Variants in GALNT2 observed in about 807,000 individuals in gnomAD.
GALNT2 encodes the protein polypeptide N-acetylgalactosaminyltransferase 2, also known as UDP-GalNAc:polypeptide N-acetylgalactosaminyltransferase 2.
A neutral mutation model predicts 81.4 loss-of-function variants in GALNT2; 31 were observed. That is an observed-to-expected ratio of 0.38 (90% confidence interval 0.29 to 0.51). GALNT2 has a LOEUF of 0.51. Ranked by LOEUF, GALNT2 falls within the 20% of genes least tolerant of loss-of-function variation. GALNT2 has a pLI of 0.87. For missense variants in GALNT2, 629 were observed against 765.7 expected (o/e 0.82, Z 2.11); for synonymous variants, 303 against 287.4 (o/e 1.05, Z -0.55).
rs1481139975 is a variant in GALNT2, at chr1:230,193,011, A to T, written c.221-10126A>T. On this transcript the variant is annotated intron_variant, in intron 2 of 15. Coordinates refer to ENST00000366672, the MANE Select transcript of GALNT2 (RefSeq NM_004481.5). This position sits in a 1 kb window ranked among gnomAD's most constrained non-coding sequence, Gnocchi z 4.3. The stretch of plus-strand genomic sequence containing the variant: ...TAGCATTATGACCTTCTAGAGGAAG[A>T]ATATTAGGATTTTTTTTCTTTTAAG... 1.3e-5 allele frequency among the ~76,000 whole-genome samples: 2 copies of T among 152,194 alleles called. No homozygotes were observed. The highest frequency in any genetic ancestry group is 2.9e-5 in the Non-Finnish European group (2 of 68,036).
intron 1 of GALNT2, among the ~76,000 whole-genome samples, chr1:230,126,837 A>T (rs1307019058): frequency 6.6e-6 from 1 of 152,178 alleles, no homozygotes; most frequent in African/African-American, 2.4e-5. Context: ...CCAAGGAGTG[A>T]CTGCACCCAG....
rs1572169602 is a variant in GALNT2, at chr1:230,279,187, A to G, written c.1561-116A>G. 6 of 1,151,366 alleles carry G rather than the reference A, an allele frequency of 5.2e-6. No individual in the cohort carries two copies. 71.3% of individuals were successfully genotyped at this position (1,151,366 alleles called of 1,614,324 possible). On this transcript the variant is annotated intron_variant, in intron 15 of 15. Transcript: ENST00000366672. The surrounding 1 kb of genome is among the most constrained non-coding windows in gnomAD (Gnocchi z 4.6). The stretch of plus-strand genomic sequence containing the variant: ...TCGGCCGTTCAGATGAGAGGCTGGG[A>G]AAAACGTGTCTATCTGTGAGTTTTT...
chr1:230,067,425 C>T lies in GALNT2; in HGVS notation c.126+19C>T, dbSNP rs1228313781. On this transcript the variant is annotated intron_variant, in intron 1 of 15. Transcript: ENST00000366672. ...CAGGAAGGTGAGTGGAGCGCCCTGC[C>T]GCGGCCGGGCCCCTGCGCCCACCCC... 51 of 1,091,588 alleles carry T rather than the reference C, an allele frequency of 4.7e-5. No homozygotes were observed. In the African/African-American group the frequency reaches 4.8e-4, roughly 10 times the overall value. 67.6% of individuals were successfully genotyped at this position (1,091,588 alleles called of 1,614,324 possible).
chr1:230,135,006 G>T (rs1661491196), intron 1 of GALNT2, among the ~76,000 whole-genome samples: 1 of 152,232 alleles, frequency 6.6e-6, no homozygotes, highest in South Asian at 2.1e-4. Flanking sequence ...GTATCTGAGA[G>T]TGTTTCAAAT....
chr1:230,245,551 A>T (rs1422557150), intron 7 of GALNT2, among the ~76,000 whole-genome samples: 2 of 152,218 alleles, frequency 1.3e-5, no homozygotes, highest in Non-Finnish European at 2.9e-5. Flanking sequence ...TGATTTGGTT[A>T]ACCTTCTGCT....
At chr1:230,264,623 T>C (rs1309302227) in intron 13 of GALNT2, 4 of 152,324 alleles carry the variant, frequency 2.6e-5, no homozygotes, top group African/African-American at 9.6e-5. Flanking sequence ...CCGTGTGCTT[T>C]ACACGAAATG....
intron 3 of GALNT2, among the ~76,000 whole-genome samples, chr1:230,204,949 T>C (rs773965269): frequency 9.9e-5 from 15 of 152,150 alleles, no homozygotes; most frequent in Non-Finnish European, 1.9e-4. Context: ...TTTGCATGAA[T>C]ACTTTTGAGG....
chr1:230,110,666 C>A (rs1660672716), intron 1 of GALNT2, among the ~76,000 whole-genome samples: 1 of 149,472 alleles, frequency 6.7e-6, no homozygotes, highest in Admixed American at 6.6e-5. Context: ...GGTCCTCAGA[C>A]TTTTTCTATG....
At chr1:230,112,333 C>G (rs996337781) in intron 1 of GALNT2, among the ~76,000 whole-genome samples, 1 of 135,688 alleles carries the variant, frequency 7.4e-6, no homozygotes, top group Non-Finnish European at 1.5e-5. Context: ...GCAGCCTGCA[C>G]ATGGGGTGGG....
At chr1:230,129,075 G>T (rs59757328) in intron 1 of GALNT2, among the ~76,000 whole-genome samples, 1 of 152,190 alleles carries the variant, frequency 6.6e-6, no homozygotes, top group Non-Finnish European at 1.5e-5. Context: ...TCAGTCATTC[G>T]GTGTATTTCG....
At chr1:230,114,232 T>A (rs570712792) in intron 1 of GALNT2, among the ~76,000 whole-genome samples, 2 of 152,300 alleles carry the variant, frequency 1.3e-5, no homozygotes, top group East Asian at 3.9e-4. Context: ...TTCCTGGTGT[T>A]TCCGCGCCTC....
intron 1 of GALNT2, among the ~76,000 whole-genome samples, chr1:230,158,944 C>T (rs550619720): frequency 7.2e-4 from 109 of 152,282 alleles, no homozygotes; most frequent in African/African-American, 2.6e-3. Flanking sequence ...GCCCCCATGC[C>T]GCTTTGGATT....
chr1:230,248,380 A>AG (rs1665440257), intron 8 of GALNT2, among the ~76,000 whole-genome samples: 1 of 152,190 alleles, frequency 6.6e-6, no homozygotes, highest in African/African-American at 2.4e-5. Flanking sequence ...CAGCACCATG[A>AG]GCCATGTGTT....
At chr1:230,155,123 C>T (rs560476038) in intron 1 of GALNT2, among the ~76,000 whole-genome samples, 18 of 152,304 alleles carry the variant, frequency 1.2e-4, no homozygotes, top group Non-Finnish European at 2.1e-4. Context: ...CCCGTTTCCG[C>T]GTGCAGTTTT....
intron 4 of GALNT2, 77 bp from the exon 5 acceptor site, chr1:230,236,276 A>T (rs1205574069): frequency 1.6e-5 from 24 of 1,472,250 alleles, no homozygotes; most frequent in Non-Finnish European, 2.3e-5. Context: ...GGACCAACAT[A>T]TGAGAATTTT....
At chr1:230,155,104 AC>A (rs1009049408) in intron 1 of GALNT2, among the ~76,000 whole-genome samples, 4 of 151,856 alleles carry the variant, frequency 2.6e-5, no homozygotes, top group African/African-American at 9.7e-5. Context: ...CGCCGCATGC[AC>A]CCCCCACCCC....
Position 230,243,471 on chromosome 1 carries a change from T to G in GALNT2, c.729+44T>G, listed in dbSNP as rs554032238. On this transcript the variant is annotated intron_variant, in intron 7 of 15. Transcript: ENST00000366672. This position sits in a 1 kb window ranked among gnomAD's most constrained non-coding sequence, Gnocchi z 4.2. Reference sequence around the variant, plus strand: ...GGAGGGGTGTCAGGTCGTGGGTGGTTGGTAGAGGGGACAGAAGGGAGCATG... The same window carrying G: ...GGAGGGGTGTCAGGTCGTGGGTGGTGGGTAGAGGGGACAGAAGGGAGCATG... 12 of 1,600,628 alleles carry G rather than the reference T, an allele frequency of 7.5e-6. No individual in the cohort carries two copies. In the South Asian group the frequency reaches 1.2e-4, roughly 16 times the overall value.
intron 7 of GALNT2, among the ~76,000 whole-genome samples, chr1:230,245,475 CAAAACAAA>C (rs144831175): frequency 0.075 from 11,263 of 150,986 alleles, 836 homozygotes; most frequent in African/African-American, 0.18. Flanking sequence ...AAAAAAAAAA[CAAAACAAA>C]AAAACAAAAA....
intron 1 of GALNT2, among the ~76,000 whole-genome samples, chr1:230,107,620 G>A (rs1486628865): frequency 1.4e-5 from 2 of 145,714 alleles, no homozygotes; most frequent in Admixed American, 1.4e-4. Context: ...TTGTGTGTGT[G>A]TGTGTGTGTG....
Sources: gnomAD v4.1 joint callset for allele counts (sites outside exome capture counted in the v4.1 genomes callset) on GRCh38, gnomAD v4.1.1 for gene constraint, Gnocchi (gnomAD v3.1) non-coding constraint, MANE v1.5 for transcripts, NCBI Gene and HGNC (gene_info 2026-07-23, HGNC 2026-07-21) for gene names.